CCDC146: variants seen among roughly 807,000 people sequenced by gnomAD.
The protein encoded by CCDC146 is coiled-coil domain-containing protein 146.
A neutral mutation model predicts 119.3 loss-of-function variants in CCDC146; 92 were observed. That is an observed-to-expected ratio of 0.77 (90% CI 0.65 to 0.92). CCDC146 has a LOEUF of 0.92. Ranked by LOEUF, CCDC146 falls within the 40% of genes least tolerant of loss-of-function variation. The pLI, the probability that CCDC146 is intolerant of heterozygous loss-of-function variation, is 0.00. For synonymous variants in CCDC146, 372 were observed against 371.8 expected, an observed-to-expected ratio of 1.00 and a Z score of -0.01; for missense variants, 1,000 against 1,103.0, an observed-to-expected ratio of 0.91 and a Z score of 1.32.
chr7:77,270,726 A>T lies in CCDC146; in HGVS notation c.1174-2968A>T, dbSNP rs1793494299. ...CTCACTTAATAAAAAGAGCACAGGT[A>T]GGCACAACCGGTTATTTCACATAAT... On this transcript the variant is annotated intron_variant, in intron 9 of 18. Transcript: ENST00000285871. 2.0e-5 allele frequency among the ~76,000 whole-genome samples: 3 copies of T among 152,206 alleles called. No individual in the cohort carries two copies. In the South Asian group the frequency reaches 6.2e-4, roughly 32 times the overall value.
chr7:77,293,459 C>T (rs1793989406), intron 18 of CCDC146, among the ~76,000 whole-genome samples: 1 of 152,224 alleles, frequency 6.6e-6, no homozygotes, highest in Non-Finnish European at 1.5e-5. Context: ...TGAGGCTGAA[C>T]ATCATGGCCT....
intron 15 of CCDC146, among the ~76,000 whole-genome samples, chr7:77,284,603 A>G (rs2150551121): frequency 6.6e-6 from 1 of 152,118 alleles, no homozygotes; most frequent in South Asian, 2.1e-4. Flanking sequence ...ACTGCAAATC[A>G]ATACTTCCAT....
intron 1 of CCDC146, among the ~76,000 whole-genome samples, chr7:77,137,199 A>C (rs1790872904): frequency 6.6e-6 from 1 of 151,294 alleles, no homozygotes; most frequent in Admixed American, 6.6e-5. Flanking sequence ...GATCAAGAAC[A>C]AGGCAAAGAT....
chr7:77,186,768 C>G (rs1251717951), intron 2 of CCDC146, among the ~76,000 whole-genome samples: 1 of 152,128 alleles, frequency 6.6e-6, no homozygotes, highest in Non-Finnish European at 1.5e-5. Context: ...AGCAGACTCA[C>G]AGAGACTCCA....
At chr7:77,228,165 T>A (rs1349435154) in intron 2 of CCDC146, among the ~76,000 whole-genome samples, 1 of 152,264 alleles carries the variant, frequency 6.6e-6, no homozygotes, top group African/African-American at 2.4e-5. Flanking sequence ...TATATATTTT[T>A]TAACCTTTAA....
At chr7:77,264,502 A>G (rs182885091) in intron 9 of CCDC146, among the ~76,000 whole-genome samples, 135 of 152,244 alleles carry the variant, frequency 8.9e-4, no homozygotes, top group African/African-American at 3.0e-3. Flanking sequence ...CAAGTGATCC[A>G]TCTGCCTCGG....
chr7:77,127,182 C>A (rs1443886276), intron 1 of CCDC146, among the ~76,000 whole-genome samples: 1 of 152,144 alleles, frequency 6.6e-6, no homozygotes, highest in African/African-American at 2.4e-5. Flanking sequence ...GCCAACTCAG[C>A]AGGGGCGGGA....
chr7:77,241,159 G>A (rs934142224), intron 3 of CCDC146, among the ~76,000 whole-genome samples: 14 of 149,914 alleles, frequency 9.3e-5, no homozygotes, highest in African/African-American at 2.4e-4. Flanking sequence ...CTGGGTTCAC[G>A]CCATTCTCCT....
At chr7:77,260,388 C>T (rs1411438746) in intron 8 of CCDC146, 152 bp downstream of exon 8, 2 of 585,220 alleles carry the variant, frequency 3.4e-6, no homozygotes, top group Admixed American at 3.6e-5. Context: ...TCAAATAAAG[C>T]ACTTTGAAGT....
chr7:77,282,069 G>C (rs745961357), intron 14 of CCDC146, among the ~76,000 whole-genome samples: 1 of 152,156 alleles, frequency 6.6e-6, no homozygotes, highest in African/African-American at 2.4e-5. Context: ...CCTGTTTATG[G>C]GGAAATCACA....
chr7:77,199,586 T>C (rs1281552936), intron 2 of CCDC146: 1 of 1,614,192 alleles, frequency 6.2e-7, no homozygotes. Context: ...CTGAATTGCT[T>C]CGGGAGCTGA....
intron 17 of CCDC146, among the ~76,000 whole-genome samples, chr7:77,291,717 G>A (rs1259998622): frequency 3.3e-5 from 5 of 151,938 alleles, no homozygotes; most frequent in East Asian, 1.9e-4. Flanking sequence ...CAAAACAAAC[G>A]AACAAAACAA....
At chr7:77,199,166 CATT>C (rs1219791476) in intron 2 of CCDC146, 3 of 1,598,934 alleles carry the variant, frequency 1.9e-6, no homozygotes, top group African/African-American at 1.3e-5. Flanking sequence ...GATAAGAAAA[CATT>C]ATTATACATA....
chr7:77,218,873 C>T (rs1199725964), intron 2 of CCDC146, among the ~76,000 whole-genome samples: 1 of 151,872 alleles, frequency 6.6e-6, no homozygotes, highest in Non-Finnish European at 1.5e-5. Context: ...TGCCTGGCCC[C>T]AATTTTTGAG....
chr7:77,194,061 T>C lies in CCDC146; in HGVS notation c.156+26237T>C, dbSNP rs137860483. 5.9e-5 allele frequency: 9 copies of C among 152,248 alleles called. No individual in the cohort carries two copies. The East Asian group carries it at 1.7e-3, about 29-fold the overall frequency. 9.4% of individuals were successfully genotyped at this position (152,248 alleles called of 1,614,324 possible). A position where few individuals can be genotyped will look rare whatever the true frequency, so the allele number is the denominator to read the frequency against. On this transcript the variant is annotated intron_variant, in intron 2 of 18. Transcript: ENST00000285871. ...GAAAGTATAATGAAAAATAAAGTGATCCCTTGAAATAATGTGGATAGAACA... is the reference window on the plus strand; with the variant it reads ...GAAAGTATAATGAAAAATAAAGTGACCCCTTGAAATAATGTGGATAGAACA...
chr7:77,157,746 T>G (rs1374466025), intron 1 of CCDC146, among the ~76,000 whole-genome samples: 8 of 152,242 alleles, frequency 5.3e-5, no homozygotes, highest in Non-Finnish European at 1.2e-4. Context: ...CCAGTGGTGC[T>G]CCCTGTAAGT....
chr7:77,282,768 G>A lies in CCDC146; in HGVS notation c.2131G>A (p.Ala711Thr). The A allele has an allele frequency of 2.5e-6, 4 of 1,613,588 alleles. No homozygotes were observed. Residue 711 changes from alanine (A) to threonine (T), a missense_variant, in exon 15 of 19, where the codon GCT becomes ACT. Around this residue, in one of 2 missense-constraint regions of CCDC146, gnomAD observed 985 missense variants for 1,045.3 expected, o/e 0.94. Coordinates refer to ENST00000285871, the MANE Select transcript of CCDC146 (RefSeq NM_020879.3). ...CAAGAGGTCCCTGGATGCCGACCTA[G>A]CTGTGCTCCAAATTCAGGTGGGTGA... Reference protein sequence around the residue: ...PAKRSLDADLAVLQIQFSQCT... With the variant: ...PAKRSLDADLTVLQIQFSQCT...
At chr7:77,292,473 C>T (rs752016367) in intron 17 of CCDC146, among the ~76,000 whole-genome samples, 11 of 151,344 alleles carry the variant, frequency 7.3e-5, no homozygotes, top group Admixed American at 5.3e-4. Context: ...AAAAATTAGC[C>T]GGGTATGGTG....
At chr7:77,265,109 G>A (rs76409924) in intron 9 of CCDC146, among the ~76,000 whole-genome samples, 2,692 of 152,290 alleles carry the variant, frequency 0.018, 31 homozygotes, top group Non-Finnish European at 0.028. Flanking sequence ...AGCACAGCAC[G>A]TTAGGATGTT....
Sources: allele counts gnomAD v4.1 joint callset (sites outside exome capture counted in the v4.1 genomes callset), GRCh38; gene constraint gnomAD v4.1.1; regional missense constraint gnomAD v4.1.1; transcripts MANE v1.5; gene names NCBI Gene and HGNC (gene_info 2026-07-23, HGNC 2026-07-21).